Variants in TTN observed in about 807,000 individuals in gnomAD.
TTN encodes titin, also known as connectin.
Under a neutral mutation model 3,223.0 loss-of-function variants are expected in TTN, and 1,525 were observed. The ratio of observed to expected loss-of-function variants is 0.47; its 90% CI spans 0.45 to 0.49. The LOEUF is 0.49. TTN is among the 20% of genes least tolerant of loss of function. The pLI is 0.00. For missense variants in TTN, 40,786 were observed against 43,424.0 expected (o/e 0.94, Z 5.40); for synonymous variants, 14,094 against 15,161.0 (o/e 0.93, Z 5.17).
Position 178,665,363 on chromosome 2 carries a change from C to T in TTN, c.36043+14G>A. 3 of 1,609,310 alleles carry T rather than the reference C, an allele frequency of 1.9e-6. No homozygotes were observed. Among genetic ancestry groups the T allele is most frequent in the South Asian group, 1.1e-5 (1 of 90,966 alleles). On this transcript the variant is annotated intron_variant, in intron 165 of 362. Transcript: ENST00000589042. ...GATAATTTCTTCTTCCACATTTGTT[C>T]AGAGGTAACGTACTTTTCATACGTG...
In TTN at chr2:178,535,437, A is replaced by G. The variant is rs750286559; in HGVS notation, c.101178T>C (p.Val33726=). The G allele has an allele frequency of 2.1e-5, 34 of 1,613,760 alleles. No individual in the cohort carries two copies. The highest frequency in any genetic ancestry group is 2.7e-5 in the Non-Finnish European group (32 of 1,179,816). ...DGGSKITNYI[V]EKCATTAERW... ...TTTCTGCAGTAGTTGCACATTTTTC[A>G]ACAATGTAGTTGGTGATTTTGCTGC... The change falls in exon 358 of 363, where the codon GTT becomes GTC. Residue 33726 remains valine (V), a synonymous_variant. Coordinates refer to ENST00000589042, the MANE Select transcript of TTN (RefSeq NM_001267550.2).
intron 127 of TTN, among the ~76,000 whole-genome samples, chr2:178,686,330 C>T (rs948857747): frequency 2.7e-5 from 4 of 150,800 alleles, no homozygotes; most frequent in Non-Finnish European, 4.4e-5. Flanking sequence ...CCGTTTTAGC[C>T]GGGATGGTCT....
chr2:178,728,578 G>C lies in TTN; in HGVS notation c.19348C>G (p.Gln6450Glu). Reference sequence around the variant, plus strand: ...TTGAAAGTGTACTGACCGCTGTCCTGCTTCATTACTGACTGAATTCTAAAA... The same window carrying C: ...TTGAAAGTGTACTGACCGCTGTCCTCCTTCATTACTGACTGAATTCTAAAA... ...ASFRIQSVMK[Q>E]DSGQYTFKVE... is the part of the protein sequence containing the mutation. The change falls in exon 66 of 363, where the codon CAG becomes GAG. Residue 6450 changes from glutamine (Q) to glutamate (E), a missense_variant. Transcript: ENST00000589042. The C allele has an allele frequency of 2.5e-6, 4 of 1,613,172 alleles. No individual in the cohort carries two copies. Among genetic ancestry groups the C allele is most frequent in the East Asian group, 2.2e-5 (1 of 44,762 alleles).
chr2:178,561,810 C>G lies in TTN; in HGVS notation c.84322G>C (p.Ala28108Pro). 1 of 1,613,646 alleles carries G rather than the reference C, an allele frequency of 6.2e-7. No individual in the cohort carries two copies. The highest frequency in any genetic ancestry group is 8.5e-7 in the Non-Finnish European group (1 of 1,179,740). ...TSTTWHIVSQ[A>P]VARTSIKIVR... Reference sequence around the variant, plus strand: ...ATTTTAATGGATGTTCTTGCAACTGCTTGTGAAACTATGTGCCATGTTGTA... The same window carrying G: ...ATTTTAATGGATGTTCTTGCAACTGGTTGTGAAACTATGTGCCATGTTGTA... Residue 28108 changes from alanine to proline, a missense_variant, in exon 326 of 363, where the codon GCA becomes CCA. Coordinates refer to ENST00000589042, the MANE Select transcript of TTN (RefSeq NM_001267550.2).
chr2:178,726,902 T>C (rs2079437516), intron 69 of TTN, 188 bp downstream of exon 69: 1 of 464,982 alleles, frequency 2.2e-6, no homozygotes, highest in Non-Finnish European at 3.5e-6. Flanking sequence ...AAATATTTCA[T>C]AATGACTAGT....
Position 178,530,923 on chromosome 2 carries a change from G to T in TTN, c.105692C>A (p.Pro35231Gln). 6.2e-7 allele frequency: 1 copy of T among 1,613,930 alleles called. No individual in the cohort carries two copies. Among genetic ancestry groups the T allele is most frequent in the Non-Finnish European group, 8.5e-7 (1 of 1,179,870 alleles). ...AGGCTCTGGGGATTTGACTCTTGGT[G>T]GTGATGTCACAGCCTTTTCAGTTAC... ...ARVTEKAVTS[P>Q]PRVKSPEPRV... Residue 35231 changes from proline to glutamine, a missense_variant, in exon 358 of 363, where the codon CCA becomes CAA. Physicochemically the swap from Pro to Gln is moderately conservative, Grantham distance 76. Coordinates refer to ENST00000589042, the MANE Select transcript of TTN (RefSeq NM_001267550.2).
chr2:178,703,272 A>G (rs142293105), intron 106 of TTN, among the ~76,000 whole-genome samples: 94 of 152,344 alleles, frequency 6.2e-4, no homozygotes, highest in African/African-American at 2.2e-3. Flanking sequence ...TATGTATAAC[A>G]GTACCATAAA....
chr2:178,591,835 G>A lies in TTN; in HGVS notation c.59984C>T (p.Ser19995Phe), dbSNP rs1272769120. ...HHVDVDKTEV[S>F]LVWNKPDRDG... is the part of the protein sequence containing the mutation. ...ACGATCCGGCTTATTCCAGACTAGG[G>A]AGACTTCAGTCTTGTCAACATCTAC... is the stretch of plus-strand genomic sequence containing the variant. The change falls in exon 303 of 363, where the codon TCC becomes TTC. Residue 19995 changes from serine to phenylalanine, a missense_variant. By Grantham distance (155) the Ser-to-Phe change is radical. Coordinates refer to ENST00000589042, the MANE Select transcript of TTN (RefSeq NM_001267550.2). 2 of 1,613,144 alleles carry A rather than the reference G, an allele frequency of 1.2e-6. No homozygotes were observed. Among genetic ancestry groups the A allele is most frequent in the Non-Finnish European group, 1.7e-6 (2 of 1,179,560 alleles).
rs777185633 is a variant in TTN, at chr2:178,720,445, G to A, written c.23317C>T (p.His7773Tyr). Reference protein sequence around the residue: ...NLEASDVGEYHCKATNEVGSD... With the variant: ...NLEASDVGEYYCKATNEVGSD... Reference sequence around the variant, plus strand: ...CCCACCTCATTAGTAGCTTTGCAGTGATATTCCCCGACATCGGAGGCTTCA... The same window carrying A: ...CCCACCTCATTAGTAGCTTTGCAGTAATATTCCCCGACATCGGAGGCTTCA... The change falls in exon 80 of 363, where the codon CAC (histidine) becomes TAC (tyrosine). Residue 7773 changes from histidine to tyrosine, a missense_variant. Transcript: ENST00000589042. 5.0e-6 allele frequency: 8 copies of A among 1,613,706 alleles called. No homozygotes were observed. The Admixed American group carries it at 6.7e-5, about 13-fold the overall frequency.
Position 178,546,500 on chromosome 2 carries a change from G to T in TTN, c.94831C>A (p.Pro31611Thr). ...CGGGCATCCAGTTCGGCTTTGGGTG[G>T]AGCTGTCAGTAGGCAAAACAGATAT... ...GPVTCRDEYAPPKAELDARLH... is the reference protein window; with the variant it reads ...GPVTCRDEYATPKAELDARLH... Residue 31611 changes from proline (P) to threonine (T), a missense_variant and splice_region_variant, in exon 342 of 363, where the codon CCA becomes ACA. Transcript: ENST00000589042. 6.2e-7 allele frequency: 1 copy of T among 1,609,858 alleles called. No individual in the cohort carries two copies. The highest frequency in any genetic ancestry group is 1.3e-5 in the African/African-American group (1 of 74,914).
chr2:178,585,589 C>G (rs2048758871), intron 308 of TTN, among the ~76,000 whole-genome samples: 4 of 151,994 alleles, frequency 2.6e-5, no homozygotes, highest in Admixed American at 2.6e-4. Context: ...CTATCCTTCC[C>G]CTAGCCTCCC....
Position 178,568,927 on chromosome 2 carries a change from C to A in TTN, c.77205G>T (p.Val25735=). 1 of 1,613,358 alleles carries A rather than the reference C, an allele frequency of 6.2e-7. No homozygotes were observed. The highest frequency in any genetic ancestry group is 8.5e-7 in the Non-Finnish European group (1 of 1,179,584). Residue 25735 remains valine, a synonymous_variant, in exon 326 of 363, where the codon GTG becomes GTT. Transcript: ENST00000589042. The stretch of plus-strand genomic sequence containing the variant: ...TCTCACTGTGTTTAGCTTGCATTTC[C>A]ACAATATACTGAATGATTTTACTGC... ...DGGSKIIQYI[V]EMQAKHSEKW...
Position 178,599,575 on chromosome 2 carries a change from C to T in TTN, c.56326G>A (p.Glu18776Lys), listed in dbSNP as rs987030753. 6.3e-7 allele frequency: 1 copy of T among 1,588,044 alleles called. No individual in the cohort carries two copies. Among genetic ancestry groups the T allele is most frequent in the South Asian group, 1.2e-5 (1 of 86,128 alleles). Residue 18776 changes from glutamate to lysine, a missense_variant, in exon 289 of 363, where the codon GAG becomes AAG. Transcript: ENST00000589042. Reference sequence around the variant, plus strand: ...TTACCCAGGACATTCAGTCTCATCTCCTTTGATGCTGTTCCCAGATTATTT... The same window carrying T: ...TTACCCAGGACATTCAGTCTCATCTTCTTTGATGCTGTTCCCAGATTATTT... ...AVNNLGTASKEMRLNVLGRPG... is the reference protein window; with the variant it reads ...AVNNLGTASKKMRLNVLGRPG...
In TTN at chr2:178,588,788, CTCT is replaced by C. The variant is rs727505236; in HGVS notation, c.62934_62936del (p.Glu20979del). 225 of 1,613,154 alleles carry C rather than the reference CTCT, an allele frequency of 1.4e-4. No homozygotes were observed. Among genetic ancestry groups the C allele is most frequent in the Non-Finnish European group, 1.7e-4 (201 of 1,179,572 alleles). On this transcript the variant is annotated inframe_deletion, in exon 304 of 363. Coordinates refer to ENST00000589042, the MANE Select transcript of TTN (RefSeq NM_001267550.2). ...CAGGTGGATTCCAAACCACAGTCAT[CTCT>C]TCTTTGCTTACTTTAGTGACTTCTG... is the stretch of plus-strand genomic sequence containing the variant.
In TTN at chr2:178,781,168, C is replaced by T. The variant is rs149883066; in HGVS notation, c.3476G>A (p.Arg1159His). Residue 1159 changes from arginine to histidine, a missense_variant, in exon 21 of 363, where the codon CGC (arginine) becomes CAC (histidine). Physicochemically the swap from Arg to His is conservative, Grantham distance 29 (BLOSUM62 0). Coordinates refer to ENST00000589042, the MANE Select transcript of TTN (RefSeq NM_001267550.2). ...DDAGEYTIVV[R>H]NKHGETSASA... ...TGCAGAAGTTTCTCCATGCTTATTGCGAACAACAATAGTGTATTCTCCAGC... is the reference window on the plus strand; with the variant it reads ...TGCAGAAGTTTCTCCATGCTTATTGTGAACAACAATAGTGTATTCTCCAGC... 40 of 1,613,840 alleles carry T rather than the reference C, an allele frequency of 2.5e-5. No individual in the cohort carries two copies. Among genetic ancestry groups the T allele is most frequent in the East Asian group, 4.5e-5 (2 of 44,856 alleles).
At chr2:178,683,699 A>G in intron 133 of TTN, among the ~76,000 whole-genome samples, 1 of 152,030 alleles carries the variant, frequency 6.6e-6, no homozygotes, top group East Asian at 1.9e-4. Flanking sequence ...TTCATCAGAG[A>G]TTGCCACATA....
At chr2:178,735,317 CA>C (rs1244554638) in intron 50 of TTN, among the ~76,000 whole-genome samples, 193 bp downstream of exon 50, 1 of 152,070 alleles carries the variant, frequency 6.6e-6, no homozygotes, top group Non-Finnish European at 1.5e-5. Context: ...TTTAAAAGAA[CA>C]AAAGTTAAGT....
In TTN at chr2:178,578,879, C is replaced by T; in HGVS notation, c.68151G>A (p.Arg22717=). 1 of 1,613,232 alleles carries T rather than the reference C, an allele frequency of 6.2e-7. No homozygotes were observed. Among genetic ancestry groups the T allele is most frequent in the African/African-American group, 1.3e-5 (1 of 74,972 alleles). Residue 22717 remains arginine, a synonymous_variant, in exon 320 of 363, where the codon AGG becomes AGA. Transcript: ENST00000589042. ...RLHEGMEYTF[R]VSAENKYGVG... ...CACCATATTTATTTTCGGCACTGACCCTGAAGGTATATTCCATGCCCTCAT... is the reference window on the plus strand; with the variant it reads ...CACCATATTTATTTTCGGCACTGACTCTGAAGGTATATTCCATGCCCTCAT...
Position 178,631,040 on chromosome 2 carries a change from T to C in TTN, c.44008A>G (p.Ile14670Val), listed in dbSNP as rs780593150. 1 of 1,613,068 alleles carries C rather than the reference T, an allele frequency of 6.2e-7. No individual in the cohort carries two copies. The highest frequency in any genetic ancestry group is 8.5e-7 in the Non-Finnish European group (1 of 1,179,532). The change falls in exon 237 of 363, where the codon ATT (isoleucine) becomes GTT (valine). Residue 14670 changes from isoleucine (I) to valine (V), a missense_variant. By Grantham distance (29) the Ile-to-Val change is conservative. Coordinates refer to ENST00000589042, the MANE Select transcript of TTN (RefSeq NM_001267550.2). Reference protein sequence around the residue: ...GTDKTSGKLDIEDREIKLVRP... With the variant: ...GTDKTSGKLDVEDREIKLVRP... Reference sequence around the variant, plus strand: ...CTCATGGAAATTTCCTTACCCTCAATGTCAAGTTTTCCTGAGGTCTTATCT... The same window carrying C: ...CTCATGGAAATTTCCTTACCCTCAACGTCAAGTTTTCCTGAGGTCTTATCT...
Sources: gnomAD v4.1 joint callset for allele counts (sites outside exome capture counted in the v4.1 genomes callset) on GRCh38, gnomAD v4.1.1 for gene constraint, MANE v1.5 for transcripts, NCBI Gene and HGNC (gene_info 2026-07-23, HGNC 2026-07-21) for gene names.